The following BRINP3 variants were observed in gnomAD, a reference collection of about 807,000 sequenced individuals.
The protein encoded by BRINP3 is BMP/retinoic acid inducible neural specific 3, also known as BMP/retinoic acid-inducible neural-specific protein 3.
A neutral mutation model predicts 71.0 loss-of-function variants in BRINP3; 19 were observed. That is an observed-to-expected ratio of 0.27 (90% CI 0.19 to 0.39). BRINP3 has a LOEUF of 0.39. BRINP3 is among the 10% of genes least tolerant of loss of function. BRINP3 has a pLI of 1.00. For synonymous variants in BRINP3, 380 were observed against 337.7 expected (o/e 1.13, Z -1.37); for missense variants, 959 against 940.8 (o/e 1.02, Z -0.25).
chr1:190,178,546 A>C (rs1449544497), intron 6 of BRINP3, among the ~76,000 whole-genome samples: 3 of 152,146 alleles, frequency 2.0e-5, no homozygotes, highest in Admixed American at 2.0e-4. Context: ...TATCTAAGAA[A>C]TTAGGTAAAA....
intron 6 of BRINP3, among the ~76,000 whole-genome samples, chr1:190,174,787 A>C (rs1652352611): frequency 8.5e-6 from 1 of 117,956 alleles, no homozygotes; most frequent in African/African-American, 3.9e-5. Flanking sequence ...CATATTTAAC[A>C]GCTGTAGATC....
chr1:190,402,255 T>A (rs992672263), intron 2 of BRINP3, among the ~76,000 whole-genome samples: 1 of 152,156 alleles, frequency 6.6e-6, no homozygotes, highest in South Asian at 2.1e-4. Flanking sequence ...TATTTTTATA[T>A]TTAAAACATT....
At chr1:190,326,890 C>T (rs936420775) in intron 2 of BRINP3, among the ~76,000 whole-genome samples, 2 of 151,808 alleles carry the variant, frequency 1.3e-5, no homozygotes, top group Non-Finnish European at 1.5e-5. Context: ...AGAAACCACA[C>T]ATTAGAAACT....
chr1:190,180,781 G>A (rs372171170), intron 6 of BRINP3, among the ~76,000 whole-genome samples: 4 of 151,806 alleles, frequency 2.6e-5, no homozygotes, highest in Non-Finnish European at 5.9e-5. Flanking sequence ...TATATAACAC[G>A]TCATTATTTG....
At chr1:190,336,978 T>G in intron 2 of BRINP3, among the ~76,000 whole-genome samples, 1 of 151,584 alleles carries the variant, frequency 6.6e-6, no homozygotes, top group Non-Finnish European at 1.5e-5. Context: ...AACTTTAGAA[T>G]GTAATGAATA....
At chr1:190,221,241 TA>T (rs1656866175) in intron 6 of BRINP3, among the ~76,000 whole-genome samples, 1 of 151,922 alleles carries the variant, frequency 6.6e-6, no homozygotes, top group African/African-American at 2.4e-5. Flanking sequence ...ACAAAAAAAG[TA>T]AACTGGGGCA....
chr1:190,118,543 C>A (rs1262694959), intron 7 of BRINP3, among the ~76,000 whole-genome samples: 2 of 152,042 alleles, frequency 1.3e-5, no homozygotes, highest in Non-Finnish European at 2.9e-5. Context: ...TCACCATGAA[C>A]CTAGGAGATA....
intron 2 of BRINP3, among the ~76,000 whole-genome samples, chr1:190,421,300 T>TATC (rs1256701672): frequency 9.0e-6 from 1 of 110,810 alleles, no homozygotes; most frequent in Non-Finnish European, 2.1e-5. Flanking sequence ...TCATTATTAT[T>TATC]ATTATTATTA....
chr1:190,205,058 G>A (rs996628188), intron 6 of BRINP3, among the ~76,000 whole-genome samples: 44 of 151,698 alleles, frequency 2.9e-4, no homozygotes, highest in African/African-American at 1.1e-3. Flanking sequence ...AAGCCAGTAT[G>A]CAGTTGATAT....
In BRINP3 at chr1:190,398,187, T is replaced by C. The variant is rs1422321722; in HGVS notation, c.236+56468A>G. 3.3e-5 allele frequency among the ~76,000 whole-genome samples: 5 copies of C among 151,964 alleles called. No individual in the cohort carries two copies. In the East Asian group the frequency reaches 5.8e-4, roughly 18 times the overall value. On this transcript the variant is annotated intron_variant, in intron 2 of 7. Transcript: ENST00000367462. ...CCTATCATTAATGCTCCACTTAACATGAACATTAGTTCATGTTTCTTGAGT... is the reference window on the plus strand; with the variant it reads ...CCTATCATTAATGCTCCACTTAACACGAACATTAGTTCATGTTTCTTGAGT...
At chr1:190,329,146 T>C (rs1666799247) in intron 2 of BRINP3, among the ~76,000 whole-genome samples, 1 of 152,004 alleles carries the variant, frequency 6.6e-6, no homozygotes, top group African/African-American at 2.4e-5. Context: ...CAATTCCTAT[T>C]CAGCATGATA....
chr1:190,424,115 A>T (rs1459665054), intron 2 of BRINP3, among the ~76,000 whole-genome samples: 2 of 151,682 alleles, frequency 1.3e-5, no homozygotes. Flanking sequence ...AAAAATATCT[A>T]TATTTTTGAA....
At chr1:190,411,973 C>T (rs1672697166) in intron 2 of BRINP3, among the ~76,000 whole-genome samples, 1 of 151,902 alleles carries the variant, frequency 6.6e-6, no homozygotes, top group South Asian at 2.1e-4. Flanking sequence ...GCTGTCAGAC[C>T]CCAGCATCCT....
intron 7 of BRINP3, among the ~76,000 whole-genome samples, chr1:190,100,138 T>C (rs986221973): frequency 2.6e-5 from 4 of 152,134 alleles, no homozygotes; most frequent in African/African-American, 9.6e-5. Context: ...TTGTGAGAAA[T>C]AAATTAAGGT....
At chr1:190,426,895 G>T (rs920651863) in intron 2 of BRINP3, among the ~76,000 whole-genome samples, 1 of 151,750 alleles carries the variant, frequency 6.6e-6, no homozygotes, top group Non-Finnish European at 1.5e-5. Flanking sequence ...CCAAATGATA[G>T]TTATTTCAGA....
intron 7 of BRINP3, among the ~76,000 whole-genome samples, chr1:190,144,377 T>G (rs147528005): frequency 2.5e-3 from 373 of 152,184 alleles, no homozygotes; most frequent in African/African-American, 6.9e-3. Context: ...GAATTCATGA[T>G]AGCCCTGGAA....
chr1:190,309,200 C>T (rs1665342530), intron 2 of BRINP3, among the ~76,000 whole-genome samples: 1 of 149,972 alleles, frequency 6.7e-6, no homozygotes, highest in African/African-American at 2.4e-5. Flanking sequence ...AAAAAAAAAA[C>T]TGCTAAAAAT....
chr1:190,347,664 T>C (rs1382831851), intron 2 of BRINP3, among the ~76,000 whole-genome samples: 3 of 152,166 alleles, frequency 2.0e-5, no homozygotes, highest in African/African-American at 7.2e-5. Context: ...GCAGAAAATA[T>C]AGTGAATTTC....
At chr1:190,146,455 A>T (rs542852051) in intron 7 of BRINP3, among the ~76,000 whole-genome samples, 2 of 152,232 alleles carry the variant, frequency 1.3e-5, no homozygotes, top group East Asian at 1.9e-4. Context: ...TACTATTTCA[A>T]TTACTGTATA....
Sources: allele counts gnomAD v4.1 joint callset (sites outside exome capture counted in the v4.1 genomes callset), GRCh38; gene constraint gnomAD v4.1.1; transcripts MANE v1.5; gene names NCBI Gene and HGNC (gene_info 2026-07-23, HGNC 2026-07-21).